Variants in AGBL4 observed in about 807,000 individuals in gnomAD.
AGBL4 encodes AGBL carboxypeptidase 4.
Under a neutral mutation model 66.4 loss-of-function variants are expected in AGBL4, and 58 were observed. That is an observed-to-expected ratio of 0.87 (90% CI 0.71 to 1.09). AGBL4 has a LOEUF of 1.09. AGBL4 is among the 50% of genes least tolerant of loss of function. The pLI, the probability that AGBL4 is intolerant of heterozygous loss-of-function variation, is 0.00. For synonymous variants in AGBL4, 234 were observed against 222.9 expected (o/e 1.05, Z -0.44); for missense variants, 579 against 631.0 (o/e 0.92, Z 0.88).
intron 5 of AGBL4, among the ~76,000 whole-genome samples, chr1:49,041,333 A>T (rs1643936835): frequency 6.6e-6 from 1 of 152,114 alleles, no homozygotes. Context: ...AAAGTATGCC[A>T]GAAAGCCTTA....
In AGBL4 at chr1:49,815,515, C is replaced by T. The variant is rs375236019; in HGVS notation, c.157+35881G>A. Among the ~76,000 whole-genome samples the T allele has an allele frequency of 8.5e-5, 13 of 152,252 alleles. 1 individual carries two copies. Among genetic ancestry groups the T allele is most frequent in the African/African-American group, 3.1e-4 (13 of 41,552 alleles). On this transcript the variant is annotated intron_variant, in intron 2 of 13. Coordinates refer to ENST00000371839, the MANE Select transcript of AGBL4 (RefSeq NM_032785.4). Reference sequence around the variant, plus strand: ...TATATTTTTGATATACTGATTTCCTCTCTTTGGGGTATATACCTAGCAGTG... The same window carrying T: ...TATATTTTTGATATACTGATTTCCTTTCTTTGGGGTATATACCTAGCAGTG...
chr1:48,855,635 A>T (rs551403643), intron 6 of AGBL4, among the ~76,000 whole-genome samples: 2 of 152,230 alleles, frequency 1.3e-5, no homozygotes, highest in African/African-American at 2.4e-5. Context: ...CATTTCTAAA[A>T]TATCCAGTAA....
intron 6 of AGBL4, among the ~76,000 whole-genome samples, chr1:48,820,877 C>T (rs918044659): frequency 6.6e-6 from 1 of 152,054 alleles, no homozygotes; most frequent in African/African-American, 2.4e-5. Flanking sequence ...TATCCAGAAT[C>T]TACAATAAAC....
At chr1:48,943,008 T>C (rs1053806538) in intron 5 of AGBL4, among the ~76,000 whole-genome samples, 4 of 152,344 alleles carry the variant, frequency 2.6e-5, no homozygotes, top group Admixed American at 6.5e-5. Flanking sequence ...ATCATCATCT[T>C]TTCCCCTTTA....
At chr1:49,419,851 T>G (rs1645505141) in intron 3 of AGBL4, among the ~76,000 whole-genome samples, 1 of 152,186 alleles carries the variant, frequency 6.6e-6, no homozygotes, top group African/African-American at 2.4e-5. Flanking sequence ...GCTCCACAAG[T>G]GCTGGCTTAG....
At chr1:49,782,935 A>T (rs1644370371) in intron 2 of AGBL4, among the ~76,000 whole-genome samples, 1 of 151,984 alleles carries the variant, frequency 6.6e-6, no homozygotes, top group African/African-American at 2.4e-5. Context: ...TCAGTCAGTG[A>T]TATTCTGTTA....
intron 5 of AGBL4, among the ~76,000 whole-genome samples, chr1:49,010,213 C>T (rs1220968181): frequency 1.3e-5 from 2 of 149,188 alleles, no homozygotes; most frequent in African/African-American, 4.9e-5. Context: ...ACAAAAATCA[C>T]AAGCATTCTT....
chr1:48,995,262 T>A (rs1263645668), intron 5 of AGBL4, among the ~76,000 whole-genome samples: 1 of 152,216 alleles, frequency 6.6e-6, no homozygotes, highest in Non-Finnish European at 1.5e-5. Context: ...GGTACCTGTT[T>A]TGGCCTATCA....
intron 6 of AGBL4, among the ~76,000 whole-genome samples, chr1:48,672,412 T>C (rs1217887438): frequency 6.6e-6 from 1 of 152,156 alleles, no homozygotes; most frequent in Non-Finnish European, 1.5e-5. Context: ...TAAAAGTCAG[T>C]AAAGGCTGGA....
chr1:49,411,856 T>C (rs1327105239), intron 3 of AGBL4, among the ~76,000 whole-genome samples: 1 of 152,128 alleles, frequency 6.6e-6, no homozygotes, highest in Non-Finnish European at 1.5e-5. Flanking sequence ...GAAATAGAGA[T>C]GATGGAAGTC....
intron 3 of AGBL4, among the ~76,000 whole-genome samples, chr1:49,626,357 GT>G (rs957223000): frequency 2.0e-5 from 3 of 152,088 alleles, no homozygotes; most frequent in Non-Finnish European, 4.4e-5. Flanking sequence ...TGTGTAGTGG[GT>G]CCCCTCATGA....
chr1:49,744,661 A>G (rs369299510), intron 2 of AGBL4, among the ~76,000 whole-genome samples: 1 of 152,076 alleles, frequency 6.6e-6, no homozygotes, highest in African/African-American at 2.4e-5. Context: ...AAAAGTATAA[A>G]CCTATTTTTG....
At chr1:49,939,172 A>T (rs1654464269) in intron 1 of AGBL4, among the ~76,000 whole-genome samples, 1 of 152,024 alleles carries the variant, frequency 6.6e-6, no homozygotes, top group African/African-American at 2.4e-5. Flanking sequence ...TTCAAGGAGA[A>T]CTACAAACCA....
At chr1:49,979,732 AAT>A (rs1305060086) in intron 1 of AGBL4, among the ~76,000 whole-genome samples, 4 of 152,212 alleles carry the variant, frequency 2.6e-5, no homozygotes, top group Non-Finnish European at 5.9e-5. Flanking sequence ...TGCATTAAAA[AAT>A]AGTCTTTCTT....
intron 7 of AGBL4, among the ~76,000 whole-genome samples, chr1:48,659,164 G>C (rs1646067634): frequency 6.6e-6 from 1 of 152,152 alleles, no homozygotes; most frequent in Non-Finnish European, 1.5e-5. Flanking sequence ...GGGATTGTGG[G>C]TACTGGTCAG....
chr1:48,858,785 G>A lies in AGBL4; in HGVS notation c.634+8406C>T, dbSNP rs534174307. 3.9e-5 allele frequency among the ~76,000 whole-genome samples: 6 copies of A among 152,128 alleles called. No individual in the cohort carries two copies. In the East Asian group the frequency reaches 1.2e-3, roughly 29 times the overall value. On this transcript the variant is annotated intron_variant, in intron 6 of 13. Coordinates refer to ENST00000371839, the MANE Select transcript of AGBL4 (RefSeq NM_032785.4). ...GGTTGCACAACTGTGTAAATATGCT[G>A]AAAACCACTAAATTATCACTTTAAT... is the stretch of plus-strand genomic sequence containing the variant.
intron 1 of AGBL4, among the ~76,000 whole-genome samples, chr1:49,864,994 C>G (rs536681437): frequency 1.7e-4 from 26 of 152,286 alleles, no homozygotes; most frequent in Non-Finnish European, 3.1e-4. Context: ...CAGATCTTGA[C>G]CAGACTGCCT....
At chr1:49,333,505 CA>C (rs534408839) in intron 3 of AGBL4, among the ~76,000 whole-genome samples, 113 of 151,874 alleles carry the variant, frequency 7.4e-4, no homozygotes, top group African/African-American at 2.5e-3. Flanking sequence ...AACAAACAAA[CA>C]AAAAAACCAT....
chr1:48,766,539 C>A (rs951317377), intron 6 of AGBL4, among the ~76,000 whole-genome samples: 2 of 152,220 alleles, frequency 1.3e-5, no homozygotes, highest in Non-Finnish European at 2.9e-5. Context: ...ACAACAGAAA[C>A]AAGTTGTGGC....
Sources: gnomAD v4.1 joint callset for allele counts (sites outside exome capture counted in the v4.1 genomes callset) on GRCh38, gnomAD v4.1.1 for gene constraint, MANE v1.5 for transcripts, NCBI Gene and HGNC (gene_info 2026-07-23, HGNC 2026-07-21) for gene names.